The following IDE variants were observed in gnomAD, a reference collection of about 807,000 sequenced individuals.
The protein encoded by IDE is insulin-degrading enzyme.
IDE carries 58 observed loss-of-function variants against 133.2 expected under a neutral mutation model. The observed-to-expected ratio is 0.44, with a 90% CI of 0.35 to 0.54. IDE has a LOEUF of 0.54. Ranked by LOEUF, IDE falls within the 20% of genes least tolerant of loss-of-function variation. The pLI is 0.00. For synonymous variants in IDE, 396 were observed against 421.3 expected, an observed-to-expected ratio of 0.94 and a Z score of 0.73; for missense variants, 981 against 1,234.0, an observed-to-expected ratio of 0.79 and a Z score of 3.07.
chr10:92,529,652 A>C (rs1849810682), intron 4 of IDE, among the ~76,000 whole-genome samples: 1 of 152,022 alleles, frequency 6.6e-6, no homozygotes. Flanking sequence ...AGGCAGGAAG[A>C]ATACTTGAGG....
intron 2 of IDE, among the ~76,000 whole-genome samples, chr10:92,536,835 C>T (rs868854676): frequency 6.6e-6 from 1 of 151,998 alleles, no homozygotes; most frequent in Non-Finnish European, 1.5e-5. Context: ...GTCAAGAGAT[C>T]GAGACCATCC....
chr10:92,542,310 G>A (rs1052562320), intron 1 of IDE, among the ~76,000 whole-genome samples: 2 of 152,066 alleles, frequency 1.3e-5, no homozygotes, highest in South Asian at 2.1e-4. Context: ...ACTCACCACC[G>A]TACCCAGCTA....
intron 21 of IDE, among the ~76,000 whole-genome samples, chr10:92,462,973 A>G (rs1209319378): frequency 6.6e-6 from 1 of 152,208 alleles, no homozygotes; most frequent in Non-Finnish European, 1.5e-5. Context: ...GAGGCAGGAG[A>G]ATCGCTTGAG....
chr10:92,512,953 C>A (rs904291072), intron 5 of IDE, among the ~76,000 whole-genome samples: 1 of 152,118 alleles, frequency 6.6e-6, no homozygotes, highest in African/African-American at 2.4e-5. Flanking sequence ...ACAACAGGTA[C>A]AATGTACCAC....
chr10:92,539,491 C>A (rs1367859561), intron 1 of IDE, among the ~76,000 whole-genome samples: 3 of 152,160 alleles, frequency 2.0e-5, no homozygotes, highest in African/African-American at 7.2e-5. Context: ...TTCAGCCAGG[C>A]ACGGTGGCTC....
Position 92,574,006 on chromosome 10 carries a change from A to C in IDE, c.14T>G (p.Leu5Arg). 1 of 1,512,820 alleles carries C rather than the reference A, an allele frequency of 6.6e-7. No homozygotes were observed. The highest frequency in any genetic ancestry group is 2.2e-5 in the Admixed American group (1 of 46,080). 93.7% of individuals were successfully genotyped at this position (1,512,820 alleles called of 1,614,324 possible). A position where few individuals can be genotyped will look rare whatever the true frequency, so the allele number is the denominator to read the frequency against. ...CAGTGCGGGGTGCAGAAGCCACGCT[A>C]GCCGGTACCGCATTAGCCAGCGCAG... MRYR[L>R]AWLLHPALPS... is the part of the protein sequence containing the mutation. The change falls in exon 1 of 25, where the codon CTA becomes CGA. Residue 5 changes from leucine to arginine, a missense_variant. Leu to Arg is a moderately radical substitution (Grantham distance 102). This residue lies in a region of IDE where 321 missense variants were observed against 339.3 expected (regional missense o/e 0.95). Transcript: ENST00000265986.
At chr10:92,519,518 T>C (rs1161018863) in intron 4 of IDE, among the ~76,000 whole-genome samples, 1 of 152,246 alleles carries the variant, frequency 6.6e-6, no homozygotes, top group Non-Finnish European at 1.5e-5. Context: ...AACACTGCCT[T>C]GGCATTTAGG....
intron 12 of IDE, among the ~76,000 whole-genome samples, chr10:92,487,710 A>G (rs1395390544): frequency 1.3e-5 from 2 of 152,248 alleles, no homozygotes; most frequent in Admixed American, 6.5e-5. Flanking sequence ...GGTCATTTAT[A>G]TAAGAGCCAT....
At chr10:92,519,830 C>T (rs1048033739) in intron 4 of IDE, among the ~76,000 whole-genome samples, 19 of 152,224 alleles carry the variant, frequency 1.2e-4, no homozygotes, top group African/African-American at 4.3e-4. Context: ...ATCTGCCAGG[C>T]GCGGTGGCTG....
intron 11 of IDE, among the ~76,000 whole-genome samples, chr10:92,492,329 T>C (rs1847405289): frequency 6.6e-6 from 1 of 151,232 alleles, no homozygotes; most frequent in South Asian, 2.1e-4. Flanking sequence ...AAAAGATAAG[T>C]GAACAAAAAA....
intron 22 of IDE, among the ~76,000 whole-genome samples, chr10:92,459,288 C>G (rs535224094): frequency 6.6e-6 from 1 of 152,188 alleles, no homozygotes; most frequent in South Asian, 2.1e-4. Flanking sequence ...TCCTTACCCT[C>G]TCACTCAGCA....
intron 5 of IDE, 79 bp downstream of exon 5, chr10:92,514,841 C>A: frequency 8.6e-7 from 1 of 1,165,754 alleles, no homozygotes. Flanking sequence ...TATCTTATAT[C>A]CATCTTCTAA....
chr10:92,495,960 C>T (rs538859699), intron 11 of IDE, among the ~76,000 whole-genome samples: 4 of 152,032 alleles, frequency 2.6e-5, no homozygotes, highest in African/African-American at 4.8e-5. Context: ...CTGCAACCTC[C>T]GCCCCCTGGG....
At chr10:92,465,602 G>T in intron 20 of IDE, 74 bp downstream of exon 20, 1 of 1,333,698 alleles carries the variant, frequency 7.5e-7, no homozygotes, top group Non-Finnish European at 1.1e-6. Flanking sequence ...AGGTGAAAAT[G>T]TGGAAAATGT....
intron 4 of IDE, among the ~76,000 whole-genome samples, chr10:92,527,149 C>T (rs143743716): frequency 7.6e-4 from 116 of 152,142 alleles, no homozygotes; most frequent in Non-Finnish European, 1.4e-3. Flanking sequence ...AAAGTTGTAG[C>T]GAACCAGACT....
At chr10:92,556,592 T>C (rs1843021778) in intron 1 of IDE, among the ~76,000 whole-genome samples, 1 of 152,070 alleles carries the variant, frequency 6.6e-6, no homozygotes, top group Admixed American at 6.6e-5. Flanking sequence ...ACCCTGTCTC[T>C]ACTAAAACTA....
intron 1 of IDE, among the ~76,000 whole-genome samples, chr10:92,540,244 C>CAAAAGA (rs1842230825): frequency 9.1e-6 from 1 of 109,664 alleles, no homozygotes; most frequent in Non-Finnish European, 1.8e-5. Context: ...GACTCCGTCT[C>CAAAAGA]AAAAGAAAAA....
intron 4 of IDE, among the ~76,000 whole-genome samples, chr10:92,523,531 T>C (rs1225489378): frequency 7.2e-6 from 1 of 138,906 alleles, no homozygotes; most frequent in East Asian, 2.0e-4. Context: ...TGGTCTCTAC[T>C]TAAAAAAAAA....
intron 4 of IDE, among the ~76,000 whole-genome samples, chr10:92,520,911 CAATA>C (rs1283794611): frequency 6.6e-6 from 1 of 152,070 alleles, no homozygotes; most frequent in Admixed American, 6.6e-5. Flanking sequence ...GCTAAGGGAA[CAATA>C]AATGATTACA....
Sources: allele counts gnomAD v4.1 joint callset (sites outside exome capture counted in the v4.1 genomes callset), GRCh38; gene constraint gnomAD v4.1.1; regional missense constraint gnomAD v4.1.1; transcripts MANE v1.5; gene names NCBI Gene and HGNC (gene_info 2026-07-23, HGNC 2026-07-21).